The following ANXA5 variants were observed in gnomAD, a reference collection of about 807,000 sequenced individuals.
The protein encoded by ANXA5 is CBP-I.
ANXA5 carries 40 observed loss-of-function variants against 48.1 expected under a neutral mutation model. The ratio of observed to expected loss-of-function variants is 0.83; its 90% CI spans 0.65 to 1.08. The LOEUF (loss-of-function observed/expected upper bound fraction) is 1.08. Among genes scored for constraint, ANXA5 ranks in the 50% least tolerant of loss-of-function variants. The pLI, the probability that ANXA5 is intolerant of heterozygous loss-of-function variation, is 0.00. For missense variants in ANXA5, 357 were observed against 376.8 expected, an observed-to-expected ratio of 0.95 and a Z score of 0.44; for synonymous variants, 113 against 129.1, an observed-to-expected ratio of 0.88 and a Z score of 0.85.
intron 8 of ANXA5, among the ~76,000 whole-genome samples, chr4:121,673,057 C>T (rs946627737): frequency 2.0e-4 from 30 of 152,190 alleles, no homozygotes; most frequent in African/African-American, 7.2e-4. Flanking sequence ...TTCAATAGCA[C>T]ATGAGTAAAA....
At position 121,681,818 on chromosome 4, in the gene ANXA5, AAAAG is replaced by A. The variant is rs1175510594; in HGVS notation, c.304-61_304-58del. 39 of 1,313,898 alleles carry A rather than the reference AAAAG, an allele frequency of 3.0e-5. 1 individual carries two copies. The highest frequency in any genetic ancestry group is 4.0e-5 in the Non-Finnish European group (37 of 920,410). The allele number at this position is 1,313,898 out of a possible 1,614,324, so 81.4% of individuals were successfully genotyped here. ...CAATAAGATTAAAAAGAAAGTTATT[AAAAG>A]AAAGTTATAGATGTTACCCAAATTG... On this transcript the variant is annotated intron_variant, in intron 5 of 12. Coordinates refer to ENST00000296511, the MANE Select transcript of ANXA5 (RefSeq NM_001154.4).
chr4:121,677,775 ACCCAT>A lies in ANXA5; in HGVS notation c.531+114_531+118del, dbSNP rs1724722267. The A allele has an allele frequency of 4.5e-6, 4 of 883,650 alleles. No homozygotes were observed. In the Admixed American group the frequency reaches 7.9e-5, roughly 17 times the overall value. The allele number at this position is 883,650 out of a possible 1,614,324, so 54.7% of individuals were successfully genotyped here. ...ATGTAGGTCTTATGCTATGTAAATA[ACCCAT>A]TAACAAGATTATCACTAGAAGCTAT... On this transcript the variant is annotated intron_variant, in intron 8 of 12. Coordinates refer to ENST00000296511, the MANE Select transcript of ANXA5 (RefSeq NM_001154.4).
At chr4:121,696,518 T>C in intron 2 of ANXA5, 63 bp downstream of exon 2, 1 of 1,314,304 alleles carries the variant, frequency 7.6e-7, no homozygotes, top group African/African-American at 1.5e-5. Context: ...ATCCTAAAAG[T>C]CCCTCGTCGC....
intron 3 of ANXA5, among the ~76,000 whole-genome samples, chr4:121,685,034 G>GTGTA (rs1553964244): frequency 2.2e-5 from 3 of 135,926 alleles, no homozygotes; most frequent in African/African-American, 8.4e-5. Flanking sequence ...AAAAAAATAT[G>GTGTA]TATATATATA....
At position 121,683,356 on chromosome 4, in the gene ANXA5, C is replaced by T; in HGVS notation, c.303+8G>A. On this transcript the variant is annotated splice_region_variant and intron_variant, in intron 5 of 12. Coordinates refer to ENST00000296511, the MANE Select transcript of ANXA5 (RefSeq NM_001154.4). ...TGCAAGAATGTTCCTTTCACTCATC[C>T]TTTTTACCTTCAAGGCATGTTTCAG... 6.5e-7 allele frequency: 1 copy of T among 1,544,928 alleles called. No homozygotes were observed. The highest frequency in any genetic ancestry group is 1.4e-5 in the African/African-American group (1 of 73,154).
intron 6 of ANXA5, among the ~76,000 whole-genome samples, chr4:121,681,013 C>T (rs980592826): frequency 6.6e-6 from 1 of 152,084 alleles, no homozygotes; most frequent in Non-Finnish European, 1.5e-5. Flanking sequence ...ATAGTCTGAC[C>T]CTCCTCAGTC....
At chr4:121,677,237 T>C (rs1724714477) in intron 8 of ANXA5, among the ~76,000 whole-genome samples, 1 of 152,330 alleles carries the variant, frequency 6.6e-6, no homozygotes, top group East Asian at 1.9e-4. Context: ...AGGTCTATGA[T>C]TGGTGGTTCT....
intron 2 of ANXA5, among the ~76,000 whole-genome samples, chr4:121,695,543 T>C (rs1725064765): frequency 6.6e-6 from 1 of 152,230 alleles, no homozygotes; most frequent in Non-Finnish European, 1.5e-5. Context: ...TGGTATCTTA[T>C]TCACAAAAGA....
intron 9 of ANXA5, 40 bp downstream of exon 9, chr4:121,672,493 T>C: frequency 6.8e-7 from 1 of 1,462,710 alleles, no homozygotes; most frequent in East Asian, 2.3e-5. Flanking sequence ...CTTTCCAAAT[T>C]TACCAATGTA....
chr4:121,687,711 G>A (rs1724917174), intron 2 of ANXA5, among the ~76,000 whole-genome samples: 1 of 152,212 alleles, frequency 6.6e-6, no homozygotes, highest in Non-Finnish European at 1.5e-5. Flanking sequence ...GGTCAGTTCA[G>A]TGGCCTTCTC....
intron 12 of ANXA5, among the ~76,000 whole-genome samples, chr4:121,668,765 A>G (rs1724563165): frequency 6.6e-6 from 1 of 152,110 alleles, no homozygotes; most frequent in Non-Finnish European, 1.5e-5. Context: ...AGTCAAATCA[A>G]GCCTTCTAGA....
chr4:121,681,689 T>C lies in ANXA5; in HGVS notation c.376A>G (p.Lys126Glu). 1 of 1,611,888 alleles carries C rather than the reference T, an allele frequency of 6.2e-7. No homozygotes were observed. The highest frequency in any genetic ancestry group is 8.5e-7 in the Non-Finnish European group (1 of 1,178,466). Residue 126 changes from lysine to glutamate, a missense_variant, in exon 6 of 13, where the codon AAA becomes GAA. Physicochemically the swap from Lys to Glu is moderately conservative, Grantham distance 56. Coordinates refer to ENST00000296511, the MANE Select transcript of ANXA5 (RefSeq NM_001154.4). ...CATTTACCTTCTTCATAAACTTGTT[T>C]GATGGCTCTCAGTTCTTCAGGTGTC... ...SRTPEELRAIKQVYEEEYGSS... is the reference protein window; with the variant it reads ...SRTPEELRAIEQVYEEEYGSS...
chr4:121,690,064 G>T (rs931095717), intron 2 of ANXA5, among the ~76,000 whole-genome samples: 4 of 152,210 alleles, frequency 2.6e-5, no homozygotes, highest in African/African-American at 4.8e-5. Context: ...AAGGGAAGGT[G>T]ACCTACAATC....
chr4:121,693,351 G>A (rs1362476824), intron 2 of ANXA5, among the ~76,000 whole-genome samples: 1 of 152,080 alleles, frequency 6.6e-6, no homozygotes, highest in Non-Finnish European at 1.5e-5. Flanking sequence ...TAACTAAACT[G>A]AAAGACTGCG....
At chr4:121,672,092 T>C (rs532505068) in intron 9 of ANXA5, among the ~76,000 whole-genome samples, 1 of 152,248 alleles carries the variant, frequency 6.6e-6, no homozygotes, top group South Asian at 2.1e-4. Flanking sequence ...AAATCAACCA[T>C]GGAATCCCAC....
chr4:121,683,495 C>T lies in ANXA5; in HGVS notation c.190-18G>A, dbSNP rs1449780284. 1.2e-5 allele frequency: 17 copies of T among 1,425,290 alleles called. No individual in the cohort carries two copies. The highest frequency in any genetic ancestry group is 1.7e-5 in the Non-Finnish European group (17 of 1,015,040). 88.3% of individuals were successfully genotyped at this position (1,425,290 alleles called of 1,614,324 possible). A position where few individuals can be genotyped will look rare whatever the true frequency, so the allele number is the denominator to read the frequency against. ...AGAAGATCCTAACCCACAGAAAATACAAATTTGTTAACCAGCAGAAATTGT... is the reference window on the plus strand; with the variant it reads ...AGAAGATCCTAACCCACAGAAAATATAAATTTGTTAACCAGCAGAAATTGT... On this transcript the variant is annotated intron_variant, in intron 4 of 12. Coordinates refer to ENST00000296511, the MANE Select transcript of ANXA5 (RefSeq NM_001154.4).
intron 6 of ANXA5, chr4:121,681,424 T>C: frequency 5.6e-6 from 2 of 356,662 alleles, no homozygotes; most frequent in Non-Finnish European, 1.0e-5. Flanking sequence ...TTGCAAATCC[T>C]ATGCAAAAGT....
chr4:121,674,188 G>T (rs1378451554), intron 8 of ANXA5, among the ~76,000 whole-genome samples: 1 of 126,680 alleles, frequency 7.9e-6, no homozygotes, highest in Non-Finnish European at 1.7e-5. Flanking sequence ...GAAGAGGGAG[G>T]GGAGGGGAGG....
chr4:121,682,611 T>C (rs1724811985), intron 5 of ANXA5, among the ~76,000 whole-genome samples: 1 of 152,120 alleles, frequency 6.6e-6, no homozygotes, highest in Non-Finnish European at 1.5e-5. Context: ...TCCAAAAGAA[T>C]CACCATAGGA....
Sources: gnomAD v4.1 joint callset for allele counts (sites outside exome capture counted in the v4.1 genomes callset) on GRCh38, gnomAD v4.1.1 for gene constraint, MANE v1.5 for transcripts, NCBI Gene and HGNC (gene_info 2026-07-23, HGNC 2026-07-21) for gene names.